PLXNA2: variants seen among roughly 807,000 people sequenced by gnomAD.
The protein encoded by PLXNA2 is plexin-A2.
A neutral mutation model predicts 193.5 loss-of-function variants in PLXNA2; 91 were observed. The observed-to-expected ratio is 0.47, with a 90% CI of 0.40 to 0.56. The LOEUF (loss-of-function observed/expected upper bound fraction) is 0.56, where lower values mean the gene tolerates loss of function less well. Ranked by LOEUF, PLXNA2 falls within the 20% of genes least tolerant of loss-of-function variation. The probability of loss-of-function intolerance (pLI) is 0.00; values close to 1 mark genes in which losing one functional copy is unlikely to be tolerated. For missense variants in PLXNA2, 1,995 were observed against 2,503.2 expected, an observed-to-expected ratio of 0.80 and a Z score of 4.33; for synonymous variants, 997 against 1,027.3, an observed-to-expected ratio of 0.97 and a Z score of 0.56.
rs770452103 is a variant in PLXNA2, at chr1:208,217,746, C to T, written c.177G>A (p.Thr59=). 5.0e-6 allele frequency: 8 copies of T among 1,614,108 alleles called. No homozygotes were observed. The East Asian group carries it at 6.7e-5, about 13-fold the overall frequency. ...TGATGGCCCCCACATAGACGGCCCCCGTCCCTTGGTGGACGGTCAAGTGGT... is the reference window on the plus strand; with the variant it reads ...TGATGGCCCCCACATAGACGGCCCCTGTCCCTTGGTGGACGGTCAAGTGGT... ...TFNHLTVHQG[T]GAVYVGAINR... Residue 59 remains threonine (T), a synonymous_variant, in exon 2 of 32, where the codon ACG becomes ACA. Coordinates refer to ENST00000367033, the MANE Select transcript of PLXNA2 (RefSeq NM_025179.4). This position sits in a 1 kb window ranked among gnomAD's most constrained non-coding sequence, Gnocchi z 4.7.
chr1:208,133,185 G>A (rs1021511203), intron 4 of PLXNA2, among the ~76,000 whole-genome samples: 2 of 152,128 alleles, frequency 1.3e-5, no homozygotes, highest in African/African-American at 2.4e-5. Context: ...ATTAGGGAGG[G>A]AACCAGGACA....
chr1:208,083,740 C>T lies in PLXNA2; in HGVS notation c.2298+640G>A, dbSNP rs116792483. Reference sequence around the variant, plus strand: ...TCTTGGGGTTAGTATTATAATTAAACACCTCATGCTCTCTGTCTGCCATTC... The same window carrying T: ...TCTTGGGGTTAGTATTATAATTAAATACCTCATGCTCTCTGTCTGCCATTC... On this transcript the variant is annotated intron_variant, in intron 10 of 31. Coordinates refer to ENST00000367033, the MANE Select transcript of PLXNA2 (RefSeq NM_025179.4). Among the ~76,000 whole-genome samples, 949 of 152,240 alleles carry T rather than the reference C, an allele frequency of 6.2e-3. 8 individuals are homozygous for T. The highest frequency in any genetic ancestry group is 0.022 in the African/African-American group (905 of 41,524).
At chr1:208,184,455 G>T (rs2102552546) in intron 3 of PLXNA2, among the ~76,000 whole-genome samples, 2 of 151,782 alleles carry the variant, frequency 1.3e-5, no homozygotes, top group Middle Eastern at 6.8e-3. Flanking sequence ...GTATACCAAG[G>T]CCAGCCCTAG....
At chr1:208,232,588 C>T (rs1341894290) in intron 1 of PLXNA2, among the ~76,000 whole-genome samples, 2 of 152,254 alleles carry the variant, frequency 1.3e-5, no homozygotes, top group Non-Finnish European at 2.9e-5. Context: ...TGATAATAGA[C>T]TGGAGTGAGC....
chr1:208,220,733 C>A (rs1671303276), intron 1 of PLXNA2, among the ~76,000 whole-genome samples: 1 of 152,040 alleles, frequency 6.6e-6, no homozygotes, highest in African/African-American at 2.4e-5. Context: ...TGAGCCACTG[C>A]ACCTGGCCTG....
At chr1:208,079,527 A>G in intron 11 of PLXNA2, 77 bp from the exon 12 acceptor site, 1 of 1,079,754 alleles carries the variant, frequency 9.3e-7, no homozygotes, top group Non-Finnish European at 1.3e-6. Flanking sequence ...CAGGTGTGAT[A>G]GAAATGATAG....
intron 4 of PLXNA2, among the ~76,000 whole-genome samples, chr1:208,132,293 C>T (rs1668180953): frequency 6.6e-6 from 1 of 152,160 alleles, no homozygotes; most frequent in Non-Finnish European, 1.5e-5. Flanking sequence ...CGCCTCTGAA[C>T]CCTTTTCCTA....
chr1:208,033,699 C>A (rs545589479), intron 27 of PLXNA2, among the ~76,000 whole-genome samples, 190 bp from the exon 28 acceptor site: 1 of 152,220 alleles, frequency 6.6e-6, no homozygotes, highest in African/African-American at 2.4e-5. Flanking sequence ...GACGGAAGAG[C>A]TTGAAGGCTT....
In PLXNA2 at chr1:208,022,643, G is replaced by C. The variant is rs1284307772; in HGVS notation, c.*4600C>G. 2.0e-5 allele frequency: 3 copies of C among 152,570 alleles called. No individual in the cohort carries two copies. Among genetic ancestry groups the C allele is most frequent in the African/African-American group, 7.2e-5 (3 of 41,416 alleles). The allele number at this position is 152,570 out of a possible 1,614,324, so 9.5% of individuals were successfully genotyped here. On this transcript the variant is annotated 3_prime_UTR_variant, in exon 32 of 32. Transcript: ENST00000367033. ...CACGCAAGAATATCTGTTCTGTTTG[G>C]GGGGAGTATTTCCATTCTGCCTGCC... is the stretch of plus-strand genomic sequence containing the variant.
At chr1:208,124,218 A>T (rs7550491) in intron 4 of PLXNA2, among the ~76,000 whole-genome samples, 80,422 of 151,918 alleles carry the variant, frequency 0.53, 21,777 homozygotes, top group African/African-American at 0.57. Flanking sequence ...GGCCTACTTG[A>T]GGGTGGAGGG....
intron 9 of PLXNA2, among the ~76,000 whole-genome samples, chr1:208,087,157 T>C (rs1017519457): frequency 3.9e-5 from 6 of 152,106 alleles, no homozygotes; most frequent in Non-Finnish European, 5.9e-5. Flanking sequence ...TAGCAGGATC[T>C]TAAAGATGTG....
chr1:208,144,498 C>T (rs562726959), intron 3 of PLXNA2, among the ~76,000 whole-genome samples: 1 of 152,244 alleles, frequency 6.6e-6, no homozygotes, highest in East Asian at 1.9e-4. Flanking sequence ...GCCCGGGGGT[C>T]CCCGGTGGTA....
At chr1:208,146,790 C>T (rs1262591259) in intron 3 of PLXNA2, among the ~76,000 whole-genome samples, 4 of 152,216 alleles carry the variant, frequency 2.6e-5, no homozygotes, top group African/African-American at 4.8e-5. Flanking sequence ...AACCAGGCAG[C>T]GGAGGATACT....
At chr1:208,157,639 A>G (rs560591985) in intron 3 of PLXNA2, among the ~76,000 whole-genome samples, 1 of 152,276 alleles carries the variant, frequency 6.6e-6, no homozygotes, top group Admixed American at 6.5e-5. Context: ...GTTGATTTGT[A>G]TTCCACTGCA....
chr1:208,027,233 G>T lies in PLXNA2; in HGVS notation c.*10C>A. ...AGGTCCCTCTTCCCAGGAATGCGAGGCTCCTCCTCTCAGCTCTCAATGGAC... is the reference window on the plus strand; with the variant it reads ...AGGTCCCTCTTCCCAGGAATGCGAGTCTCCTCCTCTCAGCTCTCAATGGAC... On this transcript the variant is annotated 3_prime_UTR_variant, in exon 32 of 32. Transcript: ENST00000367033. The T allele has an allele frequency of 6.2e-7, 1 of 1,609,664 alleles. No homozygotes were observed.
At chr1:208,132,654 G>A (rs551477643) in intron 4 of PLXNA2, among the ~76,000 whole-genome samples, 1 of 152,262 alleles carries the variant, frequency 6.6e-6, no homozygotes, top group Non-Finnish European at 1.5e-5. Context: ...GGCAAGGCAG[G>A]GTGGTTAAGC....
intron 4 of PLXNA2, among the ~76,000 whole-genome samples, chr1:208,108,509 C>T (rs1394622441): frequency 1.3e-5 from 2 of 152,180 alleles, no homozygotes; most frequent in East Asian, 1.9e-4. Flanking sequence ...AGAGAATCAA[C>T]ACTGCATCTC....
At chr1:208,214,937 GTC>G (rs1179540679) in intron 2 of PLXNA2, among the ~76,000 whole-genome samples, 1 of 151,948 alleles carries the variant, frequency 6.6e-6, no homozygotes, top group African/African-American at 2.4e-5. Context: ...GTTGCCAGCT[GTC>G]TCTAGCTCTC....
At chr1:208,182,951 G>A (rs921459272) in intron 3 of PLXNA2, among the ~76,000 whole-genome samples, 1 of 152,184 alleles carries the variant, frequency 6.6e-6, no homozygotes, top group Non-Finnish European at 1.5e-5. Flanking sequence ...ATCAAGCTGG[G>A]GCTGCCAACC....
Sources: allele counts gnomAD v4.1 joint callset (sites outside exome capture counted in the v4.1 genomes callset), GRCh38; gene constraint gnomAD v4.1.1; non-coding constraint Gnocchi (gnomAD v3.1); transcripts MANE v1.5; gene names NCBI Gene and HGNC (gene_info 2026-07-23, HGNC 2026-07-21).